The following LDB2 variants were observed in gnomAD, a reference collection of about 807,000 sequenced individuals.
LDB2 encodes LIM domain-binding protein 2.
Under a neutral mutation model 44.3 loss-of-function variants are expected in LDB2, and 12 were observed. The ratio of observed to expected loss-of-function variants is 0.27; its 90% confidence interval spans 0.17 to 0.44. LDB2 has a LOEUF of 0.44. Ranked by LOEUF, LDB2 falls within the 20% of genes least tolerant of loss-of-function variation. LDB2 has a pLI of 1.00. For missense variants in LDB2, 344 were observed against 473.5 expected, an observed-to-expected ratio of 0.73 and a Z score of 2.54; for synonymous variants, 164 against 174.8, an observed-to-expected ratio of 0.94 and a Z score of 0.49.
At chr4:16,749,589 AATATATAT>A (rs1197492654) in intron 2 of LDB2, among the ~76,000 whole-genome samples, 1 of 143,352 alleles carries the variant, frequency 7.0e-6, no homozygotes, top group Non-Finnish European at 1.5e-5. Flanking sequence ...AATAAAAAAA[AATATATAT>A]ATATATATAT....
chr4:16,884,470 A>C (rs76460119), intron 1 of LDB2, among the ~76,000 whole-genome samples: 2,301 of 152,238 alleles, frequency 0.015, 53 homozygotes, highest in African/African-American at 0.053. Context: ...ATACACACTA[A>C]CACATACACC....
intron 2 of LDB2, among the ~76,000 whole-genome samples, chr4:16,698,389 C>T (rs1225859575): frequency 6.6e-6 from 1 of 151,988 alleles, no homozygotes; most frequent in Non-Finnish European, 1.5e-5. Context: ...ATTTGCACAC[C>T]CAGCAGTAGT....
At chr4:16,681,618 CTTTTTTTT>C (rs536589787) in intron 2 of LDB2, among the ~76,000 whole-genome samples, 2 of 61,702 alleles carry the variant, frequency 3.2e-5, no homozygotes, top group East Asian at 6.1e-4. Flanking sequence ...GTATTCTATT[CTTTTTTTT>C]TTTTTTTTTT....
chr4:16,554,303 G>GC (rs1476098668), intron 5 of LDB2, among the ~76,000 whole-genome samples: 1 of 152,066 alleles, frequency 6.6e-6, no homozygotes, highest in African/African-American at 2.4e-5. Context: ...ACCCGCCTCG[G>GC]CCCCCCAAAG....
At chr4:16,723,475 C>A (rs779442385) in intron 2 of LDB2, among the ~76,000 whole-genome samples, 19 of 152,118 alleles carry the variant, frequency 1.2e-4, no homozygotes, top group Non-Finnish European at 2.8e-4. Context: ...GACCTAATTA[C>A]CTCTTAAAGG....
At chr4:16,862,258 T>A (rs28628111) in intron 1 of LDB2, among the ~76,000 whole-genome samples, 3,871 of 151,698 alleles carry the variant, frequency 0.026, 163 homozygotes, top group African/African-American at 0.087. Flanking sequence ...TTTTTTTTTT[T>A]ATTTTTCTCC....
intron 2 of LDB2, chr4:16,752,478 G>A (rs1303050898): frequency 4.4e-6 from 2 of 449,546 alleles, no homozygotes; most frequent in Non-Finnish European, 8.9e-6. Context: ...AAGAAGACAA[G>A]TCTGTTTTGG....
At chr4:16,893,466 A>G (rs2110535714) in intron 1 of LDB2, among the ~76,000 whole-genome samples, 1 of 152,224 alleles carries the variant, frequency 6.6e-6, no homozygotes, top group Non-Finnish European at 1.5e-5. Flanking sequence ...CCCTGTGACT[A>G]AAGTATATAA....
In LDB2 at chr4:16,641,957, G is replaced by C. The variant is rs562557998; in HGVS notation, c.236-46082C>G. On this transcript the variant is annotated intron_variant, in intron 2 of 7. Coordinates refer to ENST00000304523, the MANE Select transcript of LDB2 (RefSeq NM_001290.5). Reference sequence around the variant, plus strand: ...CAATTACTAAAAGTAACTAAAGTGGGGGAGGGGGCATGACTTAGTATAAAG... The same window carrying C: ...CAATTACTAAAAGTAACTAAAGTGGCGGAGGGGGCATGACTTAGTATAAAG... Among the ~76,000 whole-genome samples, 7 of 152,282 alleles carry C rather than the reference G, an allele frequency of 4.6e-5. No homozygotes were observed. The East Asian group carries it at 1.4e-3, about 29-fold the overall frequency.
At chr4:16,785,140 T>C (rs533854925) in intron 1 of LDB2, among the ~76,000 whole-genome samples, 57 of 152,230 alleles carry the variant, frequency 3.7e-4, no homozygotes, top group African/African-American at 1.3e-3. Context: ...TAAATCCTTT[T>C]TCTTAAAAGC....
chr4:16,800,748 C>T (rs1200626152), intron 1 of LDB2, among the ~76,000 whole-genome samples: 1 of 152,252 alleles, frequency 6.6e-6, no homozygotes, highest in Non-Finnish European at 1.5e-5. Flanking sequence ...AATCTCGGCT[C>T]ACTGCCAGCT....
intron 1 of LDB2, among the ~76,000 whole-genome samples, chr4:16,790,576 TAAC>T (rs1166535032): frequency 5.3e-5 from 8 of 152,204 alleles, no homozygotes; most frequent in Non-Finnish European, 1.0e-4. Flanking sequence ...GACGTTTGCA[TAAC>T]AACAAGATCA....
intron 2 of LDB2, among the ~76,000 whole-genome samples, chr4:16,628,011 G>T (rs1171996490): frequency 6.6e-6 from 1 of 152,110 alleles, no homozygotes; most frequent in Admixed American, 6.5e-5. Flanking sequence ...CACGGTTAAA[G>T]AAATCCACTC....
chr4:16,525,366 G>A (rs759267901), intron 5 of LDB2, among the ~76,000 whole-genome samples: 2 of 152,200 alleles, frequency 1.3e-5, no homozygotes, highest in African/African-American at 2.4e-5. Context: ...CTGCTCTGAC[G>A]CAAAGGAAAG....
At chr4:16,558,204 G>T (rs899804313) in intron 5 of LDB2, among the ~76,000 whole-genome samples, 1 of 152,214 alleles carries the variant, frequency 6.6e-6, no homozygotes, top group Non-Finnish European at 1.5e-5. Flanking sequence ...AACAAAGCTG[G>T]ATGGAGAATG....
intron 5 of LDB2, among the ~76,000 whole-genome samples, chr4:16,560,032 C>G (rs1303920195): frequency 1.3e-5 from 2 of 152,226 alleles, no homozygotes; most frequent in East Asian, 3.9e-4. Flanking sequence ...AACAAAGACA[C>G]AACATACCAG....
At chr4:16,830,657 C>G (rs1783901730) in intron 1 of LDB2, among the ~76,000 whole-genome samples, 1 of 152,168 alleles carries the variant, frequency 6.6e-6, no homozygotes, top group Non-Finnish European at 1.5e-5. Flanking sequence ...CTTTTTGTTT[C>G]TTTTAAATCA....
At chr4:16,826,531 T>C (rs181430347) in intron 1 of LDB2, 2 of 152,200 alleles carry the variant, frequency 1.3e-5, no homozygotes, top group East Asian at 1.9e-4. Context: ...ATGGATTAAA[T>C]TGTTATGCAA....
chr4:16,644,907 C>T (rs1240210782), intron 2 of LDB2, among the ~76,000 whole-genome samples: 2 of 152,232 alleles, frequency 1.3e-5, no homozygotes, highest in Non-Finnish European at 2.9e-5. Context: ...CTCTCATCCT[C>T]ATCCTGTTAC....
Sources: gnomAD v4.1 joint callset for allele counts (sites outside exome capture counted in the v4.1 genomes callset) on GRCh38, gnomAD v4.1.1 for gene constraint, MANE v1.5 for transcripts, NCBI Gene and HGNC (gene_info 2026-07-23, HGNC 2026-07-21) for gene names.